Variants in SYNE2 observed in about 807,000 individuals in gnomAD.
The protein encoded by SYNE2 is spectrin repeat containing nuclear envelope protein 2, also known as nesprin-2.
A neutral mutation model predicts 856.3 loss-of-function variants in SYNE2; 431 were observed. That is an observed-to-expected ratio of 0.50 (90% CI 0.47 to 0.55). The LOEUF (loss-of-function observed/expected upper bound fraction) is 0.55. SYNE2 is among the 20% of genes least tolerant of loss of function. The pLI is 0.00. For synonymous variants in SYNE2, 2,923 were observed against 2,872.3 expected, an observed-to-expected ratio of 1.02 and a Z score of -0.56; for missense variants, 8,129 against 8,023.2, an observed-to-expected ratio of 1.01 and a Z score of -0.50.
chr14:64,158,569 G>T, intron 85 of SYNE2, 56 bp from the exon 86 acceptor site: 1 of 1,578,954 alleles, frequency 6.3e-7, no homozygotes, highest in Non-Finnish European at 8.7e-7. Context: ...AGATCTGTTG[G>T]AGAGCATGTC....
Position 64,139,933 on chromosome 14 carries a change from C to T in SYNE2, c.14844-8C>T. The T allele has an allele frequency of 6.2e-7, 1 of 1,613,958 alleles. No homozygotes were observed. The highest frequency in any genetic ancestry group is 8.5e-7 in the Non-Finnish European group (1 of 1,179,924). On this transcript the variant is annotated splice_polypyrimidine_tract_variant and splice_region_variant and intron_variant, in intron 79 of 115. Transcript: ENST00000555002. ...AATCTGCCTTCTCTCTCACTTTGCT[C>T]CTGTTAGTTATAACAGAGATTCGGA...
At position 63,882,436 on chromosome 14, in the gene SYNE2, G is replaced by A. The variant is rs532945189; in HGVS notation, c.-51-26662G>A. 2.8e-4 allele frequency among the ~76,000 whole-genome samples: 43 copies of A among 152,066 alleles called. 1 individual carries two copies. Among genetic ancestry groups the A allele is most frequent in the Admixed American group, 7.9e-4 (12 of 15,258 alleles). ...ACTGAATGAGTAACATGTGGAGGCC[G>A]GGTGAGCGGTGGCTCACACCAGTAA... On this transcript the variant is annotated intron_variant, in intron 1 of 115. Transcript: ENST00000555002.
chr14:63,922,935 T>C (rs867576136), intron 2 of SYNE2, among the ~76,000 whole-genome samples: 1 of 152,222 alleles, frequency 6.6e-6, no homozygotes. Context: ...TTTAGTGCAG[T>C]CTGGTTCTTT....
intron 1 of SYNE2, among the ~76,000 whole-genome samples, chr14:63,860,937 T>C (rs73276873): frequency 0.035 from 5,326 of 152,134 alleles, 189 homozygotes; most frequent in African/African-American, 0.085. Context: ...GTTCTCAAAG[T>C]AGGGTCCAGG....
intron 1 of SYNE2, among the ~76,000 whole-genome samples, chr14:63,835,982 T>TC (rs1243954521): frequency 1.1e-4 from 6 of 52,672 alleles, no homozygotes; most frequent in Admixed American, 8.4e-4. Flanking sequence ...AAACTCTGTC[T>TC]CAAAAAAAAA....
chr14:63,942,050 G>C lies in SYNE2; in HGVS notation c.316-1G>C. On this transcript the variant is annotated splice_acceptor_variant, in intron 5 of 115. Transcript: ENST00000555002. LOFTEE classifies it high-confidence loss of function. ...TTTAACCTGCACTTTTTGTTTTCCA[G>C]ATTAAGCTAATAAATATTCATGTTA... The C allele has an allele frequency of 6.2e-7, 1 of 1,608,548 alleles. No individual in the cohort carries two copies. Among genetic ancestry groups the C allele is most frequent in the East Asian group, 2.2e-5 (1 of 44,810 alleles).
intron 61 of SYNE2, among the ~76,000 whole-genome samples, chr14:64,095,803 C>T (rs979732617): frequency 3.3e-5 from 5 of 152,058 alleles, no homozygotes; most frequent in Non-Finnish European, 7.4e-5. Context: ...AAAAATGTTG[C>T]CTCCCCTCCC....
chr14:64,054,517 A>G (rs1042484255), intron 48 of SYNE2, among the ~76,000 whole-genome samples: 3 of 152,226 alleles, frequency 2.0e-5, no homozygotes, highest in African/African-American at 4.8e-5. Context: ...CAGAGCAGGG[A>G]GCATCACATG....
In SYNE2 at chr14:64,162,480, CA is replaced by C. The variant is rs1008998593; in HGVS notation, c.16299+205del. 7.7e-5 allele frequency: 49 copies of C among 636,316 alleles called. 1 individual carries two copies. The highest frequency in any genetic ancestry group is 1.2e-4 in the Non-Finnish European group (41 of 350,892). 39.4% of individuals were successfully genotyped at this position (636,316 alleles called of 1,614,324 possible). ...ACGTCTAGGCAGCAAATAGCTGGAT[CA>C]GGGGGACTCGATATCACCTCGTTCC... is the stretch of plus-strand genomic sequence containing the variant. On this transcript the variant is annotated intron_variant, in intron 88 of 115. Coordinates refer to ENST00000555002, the MANE Select transcript of SYNE2 (RefSeq NM_182914.3).
rs936376476 is a variant in SYNE2 at position 64,062,972 on chromosome 14, G to A, written c.10212+77G>A. 7.7e-6 allele frequency: 12 copies of A among 1,558,640 alleles called. No individual in the cohort carries two copies. The South Asian group carries it at 1.3e-4, about 17-fold the overall frequency. On this transcript the variant is annotated intron_variant, in intron 50 of 115. Transcript: ENST00000555002. ...CAAACTGGCAGAGGCAGCAGAGAAT[G>A]TGGTCCTGTTAAGACGCGTAGAAAT...
intron 107 of SYNE2, 30 bp from the exon 108 acceptor site, chr14:64,216,218 T>C: frequency 6.2e-7 from 1 of 1,613,706 alleles, no homozygotes; most frequent in Non-Finnish European, 8.5e-7. Context: ...TAGGAGAGAA[T>C]AGACTGTCGC....
intron 112 of SYNE2, 43 bp from the exon 113 acceptor site, chr14:64,223,146 C>T (rs2098702655): frequency 1.9e-6 from 3 of 1,609,636 alleles, no homozygotes; most frequent in Middle Eastern, 1.7e-4. Context: ...CACTCGCTTC[C>T]CTTTGGACAG....
At chr14:63,943,186 C>A (rs995860495) in intron 6 of SYNE2, among the ~76,000 whole-genome samples, 16 of 152,190 alleles carry the variant, frequency 1.1e-4, no homozygotes, top group Admixed American at 5.2e-4. Context: ...CCAGTTCTAT[C>A]CCAAGACTGA....
intron 49 of SYNE2, among the ~76,000 whole-genome samples, chr14:64,060,486 T>C (rs1033930344): frequency 6.6e-6 from 1 of 152,184 alleles, no homozygotes; most frequent in Non-Finnish European, 1.5e-5. Context: ...CTCTGCCCAG[T>C]ACCCAGTCCT....
intron 8 of SYNE2, chr14:63,961,018 T>C (rs1000359761): frequency 7.0e-5 from 35 of 502,912 alleles, no homozygotes; most frequent in African/African-American, 6.5e-4. Flanking sequence ...TAGATTTACT[T>C]GTTCCATGAA....
At position 64,168,758 on chromosome 14, in the gene SYNE2, A is replaced by G. The variant is rs780368668; in HGVS notation, c.16906-119A>G. On this transcript the variant is annotated intron_variant, in intron 92 of 115. Coordinates refer to ENST00000555002, the MANE Select transcript of SYNE2 (RefSeq NM_182914.3). ...ATTTTTTGCAGTAGGTTCAAATAAT[A>G]TGAAAATTAATTATCCCTCATATCC... The G allele has an allele frequency of 1.8e-4, 129 of 733,726 alleles. 1 individual carries two copies. Among genetic ancestry groups the G allele is most frequent in the Non-Finnish European group, 2.7e-4 (117 of 428,440 alleles). The allele number at this position is 733,726 out of a possible 1,614,324, so 45.5% of individuals were successfully genotyped here.
chr14:63,974,933 G>T (rs2096529947), intron 11 of SYNE2, among the ~76,000 whole-genome samples: 1 of 88,806 alleles, frequency 1.1e-5, no homozygotes, highest in Non-Finnish European at 2.5e-5. Flanking sequence ...TTGAGACAGG[G>T]TCTCACTCTG....
intron 34 of SYNE2, among the ~76,000 whole-genome samples, chr14:64,019,317 C>G (rs1028494241): frequency 1.3e-5 from 2 of 151,952 alleles, no homozygotes; most frequent in African/African-American, 4.8e-5. Context: ...AGAAAACAGC[C>G]AACTGTTGCC....
At chr14:63,921,194 A>G (rs1566804159) in intron 2 of SYNE2, among the ~76,000 whole-genome samples, 1 of 152,162 alleles carries the variant, frequency 6.6e-6, no homozygotes, top group Admixed American at 6.5e-5. Context: ...TGAAAAAAAA[A>G]AAGTGCAGGA....
Sources: gnomAD v4.1 joint callset for allele counts (sites outside exome capture counted in the v4.1 genomes callset) on GRCh38, gnomAD v4.1.1 for gene constraint, MANE v1.5 for transcripts, NCBI Gene and HGNC (gene_info 2026-07-23, HGNC 2026-07-21) for gene names.